FAM20C: variants seen among roughly 807,000 people sequenced by gnomAD.
FAM20C encodes FAM20C golgi associated secretory pathway kinase.
FAM20C carries 40 observed loss-of-function variants against 51.5 expected under a neutral mutation model. The observed-to-expected ratio is 0.78, with a 90% confidence interval of 0.60 to 1.01. The LOEUF (loss-of-function observed/expected upper bound fraction) is 1.01, where lower values mean the gene tolerates loss of function less well. Ranked by LOEUF, FAM20C falls within the 50% of genes least tolerant of loss-of-function variation. The probability of loss-of-function intolerance (pLI) is 0.00; values close to 1 mark genes in which losing one functional copy is unlikely to be tolerated. For synonymous variants in FAM20C, 406 were observed against 380.6 expected (o/e 1.07, Z -0.78); for missense variants, 861 against 844.7 (o/e 1.02, Z -0.24).
rs141374981 is a variant in FAM20C, at chr7:213,373, T to C, written c.863+4397T>C. ...AGTGTGTAGTCCTTTGTGAGTGACA[T>C]GGAGGGCTCTGGAGTTGTCCACTGC... On this transcript the variant is annotated intron_variant, in intron 3 of 9. Transcript: ENST00000313766. 2.0e-5 allele frequency among the ~76,000 whole-genome samples: 3 copies of C among 152,308 alleles called. No homozygotes were observed. The East Asian group carries it at 5.8e-4, about 29-fold the overall frequency.
At chr7:193,920 T>C (rs961993783) in intron 1 of FAM20C, 116 bp downstream of exon 1, 2 of 1,385,716 alleles carry the variant, frequency 1.4e-6, no homozygotes, top group Admixed American at 5.7e-5. Flanking sequence ...GGGCAGGGAG[T>C]GTGGTGCGGG....
rs1554256431 is a variant in FAM20C, at chr7:258,035, C to CG, written c.1446-608dup. Among the ~76,000 whole-genome samples, 18 of 38,920 alleles carry CG rather than the reference C, an allele frequency of 4.6e-4. 2 individuals are homozygous for CG. The highest frequency in any genetic ancestry group is 1.7e-3 in the African/African-American group (15 of 8,648). The allele number at this position is 38,920 out of a possible 152,430, so 25.5% of individuals were successfully genotyped here. A position where few individuals can be genotyped will look rare whatever the true frequency, so the allele number is the denominator to read the frequency against. ...GATGGGGCTGGGTGGACCCACTGCCCGGGTGCTGGAGATAGGCAGTGTGGA... is the reference window on the plus strand; with the variant it reads ...GATGGGGCTGGGTGGACCCACTGCCCGGGGTGCTGGAGATAGGCAGTGTGGA... On this transcript the variant is annotated intron_variant, in intron 8 of 9. Transcript: ENST00000313766.
intron 6 of FAM20C, 104 bp downstream of exon 6, chr7:256,133 G>A (rs963972147): frequency 7.3e-7 from 1 of 1,365,676 alleles, no homozygotes; most frequent in African/African-American, 1.5e-5. Context: ...GGCAGAGATG[G>A]GTGCAGAGCC....
intron 9 of FAM20C, among the ~76,000 whole-genome samples, chr7:259,510 C>G (rs1788789761): frequency 6.6e-6 from 1 of 152,208 alleles, no homozygotes; most frequent in Non-Finnish European, 1.5e-5. Flanking sequence ...CTCTTTCTGT[C>G]TGTCTGTCTC....
At chr7:209,120 T>C (rs1027305358) in intron 3 of FAM20C, 144 bp downstream of exon 3, 6 of 791,324 alleles carry the variant, frequency 7.6e-6, no homozygotes, top group East Asian at 2.7e-5. Context: ...CTCCCCGTCA[T>C]GGCAAACGAG....
intron 3 of FAM20C, among the ~76,000 whole-genome samples, chr7:216,656 T>A (rs1456704519): frequency 2.3e-5 from 3 of 132,026 alleles, no homozygotes; most frequent in Non-Finnish European, 3.3e-5. Context: ...TGTGTGAGTG[T>A]GTGTGTGAGA....
At chr7:241,878 T>A (rs1295966387) in intron 3 of FAM20C, among the ~76,000 whole-genome samples, 1 of 151,270 alleles carries the variant, frequency 6.6e-6, no homozygotes, top group Non-Finnish European at 1.5e-5. Flanking sequence ...TGAGTGGGTA[T>A]GTGTGTGTGC....
chr7:248,290 C>T, intron 4 of FAM20C, 25 bp from the exon 5 acceptor site: 1 of 1,511,128 alleles, frequency 6.6e-7, no homozygotes, highest in Non-Finnish European at 8.9e-7. Flanking sequence ...AGAGCACAGA[C>T]CATTCCCCGC....
At chr7:247,953 G>A (rs967689860) in intron 4 of FAM20C, among the ~76,000 whole-genome samples, 18 of 152,252 alleles carry the variant, frequency 1.2e-4, no homozygotes, top group African/African-American at 3.9e-4. Context: ...TTAAGCGAGT[G>A]GGAGCCTGTG....
Position 259,814 on chromosome 7 carries a change from G to A in FAM20C, c.1589G>A (p.Arg530Gln), listed in dbSNP as rs747389881. ...AGCCTGCTGATGGCCGAGTCTCTGCGGGGGGACCAGGTGGCACCCGTGCTG... is the reference window on the plus strand; with the variant it reads ...AGCCTGCTGATGGCCGAGTCTCTGCAGGGGGACCAGGTGGCACCCGTGCTG... ...KLSLLMAESL[R>Q]GDQVAPVLYQ... Residue 530 changes from arginine to glutamine, a missense_variant, in exon 10 of 10, where the codon CGG (arginine) becomes CAG (glutamine). Transcript: ENST00000313766. The A allele has an allele frequency of 4.8e-5, 73 of 1,536,460 alleles. No individual in the cohort carries two copies. The East Asian group carries it at 7.1e-4, about 15-fold the overall frequency.
chr7:228,887 A>T (rs910593016), intron 3 of FAM20C: 2 of 441,974 alleles, frequency 4.5e-6, no homozygotes, highest in African/African-American at 2.0e-5. Context: ...CACGCTGGGG[A>T]TTCCTCCTCC....
chr7:227,615 T>A (rs1320817184), intron 3 of FAM20C: 2 of 152,130 alleles, frequency 1.3e-5, no homozygotes, highest in African/African-American at 4.8e-5. Flanking sequence ...CACAAGGGTT[T>A]CATAGGAAAG....
intron 2 of FAM20C, among the ~76,000 whole-genome samples, chr7:203,803 T>G (rs1175925901): frequency 2.0e-5 from 3 of 152,174 alleles, no homozygotes; most frequent in Non-Finnish European, 4.4e-5. Flanking sequence ...TTGGATAATA[T>G]GTTGTTATTT....
chr7:231,844 A>G (rs1272104704), intron 3 of FAM20C, among the ~76,000 whole-genome samples: 1 of 151,576 alleles, frequency 6.6e-6, no homozygotes, highest in Non-Finnish European at 1.5e-5. Context: ...TTGGTGTTTG[A>G]CCCACCCCTC....
At chr7:259,484 T>TCTC (rs1562402875) in intron 9 of FAM20C, among the ~76,000 whole-genome samples, 1 of 146,500 alleles carries the variant, frequency 6.8e-6, no homozygotes, top group African/African-American at 2.6e-5. Context: ...GTCTGCCTGT[T>TCTC]TCTCTTTATC....
chr7:193,287 C>G lies in FAM20C; in HGVS notation c.88C>G (p.Leu30Val), dbSNP rs1329022451. The change falls in exon 1 of 10, where the codon CTG becomes GTG. Residue 30 changes from leucine to valine, a missense_variant. Coordinates refer to ENST00000313766, the MANE Select transcript of FAM20C (RefSeq NM_020223.4). ...CGCGCTGCACATCGCCCTGGACCTG[C>G]TGCCCAGGCTGGAGCGACGCGGCGC... is the stretch of plus-strand genomic sequence containing the variant. ...ACALHIALDLLPRLERRGARP... is the reference protein window; with the variant it reads ...ACALHIALDLVPRLERRGARP... 4 of 1,427,396 alleles carry G rather than the reference C, an allele frequency of 2.8e-6. No homozygotes were observed. The East Asian group carries it at 1.3e-4, about 47-fold the overall frequency. The allele number at this position is 1,427,396 out of a possible 1,614,324, so 88.4% of individuals were successfully genotyped here.
chr7:235,404 A>G (rs935970751), intron 3 of FAM20C, among the ~76,000 whole-genome samples: 1 of 152,116 alleles, frequency 6.6e-6, no homozygotes, highest in Non-Finnish European at 1.5e-5. Context: ...AACCAGACCT[A>G]CGTCCACGTG....
At position 258,535 on chromosome 7, in the gene FAM20C, T is replaced by G. The variant is rs961620309; in HGVS notation, c.1446-111T>G. The G allele has an allele frequency of 6.3e-6, 7 of 1,105,300 alleles. No homozygotes were observed. In the Admixed American group the frequency reaches 1.4e-4, roughly 22 times the overall value. The allele number at this position is 1,105,300 out of a possible 1,614,324, so 68.5% of individuals were successfully genotyped here. On this transcript the variant is annotated intron_variant, in intron 8 of 9. Transcript: ENST00000313766. ...CTGGAGATGGGCTGGGTGGACCCAC[T>G]GCCTGGGGTGTCGGGTACAGGCAGG...
chr7:222,741 G>A (rs1787282661), intron 3 of FAM20C, among the ~76,000 whole-genome samples: 1 of 152,172 alleles, frequency 6.6e-6, no homozygotes, highest in Non-Finnish European at 1.5e-5. Context: ...TGGTGCTGGG[G>A]GTGGGCATGA....
Sources: allele counts gnomAD v4.1 joint callset (sites outside exome capture counted in the v4.1 genomes callset), GRCh38; gene constraint gnomAD v4.1.1; transcripts MANE v1.5; gene names NCBI Gene and HGNC (gene_info 2026-07-23, HGNC 2026-07-21).